ZDHHC11: variants seen among roughly 807,000 people sequenced by gnomAD.
ZDHHC11 encodes palmitoyltransferase ZDHHC11.
Under a neutral mutation model 51.3 loss-of-function variants are expected in ZDHHC11, and 44 were observed. That is an observed-to-expected ratio of 0.86 (90% CI 0.67 to 1.10). ZDHHC11 has a LOEUF of 1.10. ZDHHC11 is among the 50% of genes least tolerant of loss of function. ZDHHC11 has a pLI of 0.00. For synonymous variants in ZDHHC11, 163 were observed against 222.0 expected (o/e 0.73, Z 2.36); for missense variants, 400 against 537.7 (o/e 0.74, Z 2.53).
At chr5:854,538 C>T (rs1560868350), upstream of ZDHHC11, among the ~76,000 whole-genome samples, 3 of 144,818 alleles carry the variant, frequency 2.1e-5, no homozygotes, top group South Asian at 2.2e-4. Context: ...GACAGCGAGC[C>T]GGGGAGACAG....
intron 3 of ZDHHC11, 105 bp downstream of exon 3, chr5:847,409 G>C: frequency 6.7e-7 from 1 of 1,493,322 alleles, no homozygotes; most frequent in Non-Finnish European, 9.1e-7. Context: ...GCGGCCCCAA[G>C]AGGACCCTCC....
intron 1 of ZDHHC11, among the ~76,000 whole-genome samples, chr5:856,025 G>A (rs761322374): frequency 4.3e-4 from 66 of 152,148 alleles, no homozygotes; most frequent in Non-Finnish European, 7.4e-4. Flanking sequence ...GGAGGACAGC[G>A]AGCAGGGGAC....
At chr5:805,089 A>T (rs565893685) in intron 11 of ZDHHC11, among the ~76,000 whole-genome samples, 1 of 151,472 alleles carries the variant, frequency 6.6e-6, no homozygotes, top group Non-Finnish European at 1.5e-5. Context: ...CAATGACAAC[A>T]GCAATATAAA....
At chr5:829,328 A>G (rs1742761714) in intron 7 of ZDHHC11, among the ~76,000 whole-genome samples, 1 of 151,808 alleles carries the variant, frequency 6.6e-6, no homozygotes, top group African/African-American at 2.4e-5. Flanking sequence ...AGCACAACTG[A>G]TACCACAGGA....
At chr5:809,392 G>A (rs1324460722) in intron 11 of ZDHHC11, among the ~76,000 whole-genome samples, 7 of 143,026 alleles carry the variant, frequency 4.9e-5, no homozygotes, top group Admixed American at 2.8e-4. Context: ...TCATAAAGCG[G>A]AGCCTTTGGT....
At chr5:817,875 G>C (rs1371972895) in intron 10 of ZDHHC11, among the ~76,000 whole-genome samples, 4 of 151,354 alleles carry the variant, frequency 2.6e-5, no homozygotes, top group African/African-American at 7.3e-5. Flanking sequence ...TGTCTTCTAT[G>C]GACAACGCTG....
At chr5:819,443 T>C in intron 10 of ZDHHC11, 82 bp downstream of exon 10, 1 of 1,468,314 alleles carries the variant, frequency 6.8e-7, no homozygotes, top group Non-Finnish European at 9.5e-7. Context: ...AATACTACCT[T>C]AACCTCAGCT....
At chr5:837,992 C>T (rs139372810) in intron 5 of ZDHHC11, among the ~76,000 whole-genome samples, 3,725 of 151,886 alleles carry the variant, frequency 0.025, 182 homozygotes, top group African/African-American at 0.081. Context: ...CGGAGGACCA[C>T]GCAGTGGGGC....
intron 1 of ZDHHC11, among the ~76,000 whole-genome samples, chr5:856,667 C>A (rs999253844): frequency 6.6e-6 from 1 of 151,548 alleles, no homozygotes; most frequent in East Asian, 1.9e-4. Context: ...ACGTGCACCA[C>A]GTGACAAGTA....
At chr5:846,257 C>T (rs1257415907) in intron 3 of ZDHHC11, among the ~76,000 whole-genome samples, 1 of 151,124 alleles carries the variant, frequency 6.6e-6, no homozygotes, top group Non-Finnish European at 1.5e-5. Flanking sequence ...AGGGCAGGGA[C>T]CGCCCGGTGC....
rs1354215464 is a variant in ZDHHC11, at chr5:802,689, C to T, written c.1182-1525G>A. Among the ~76,000 whole-genome samples, 8 of 150,000 alleles carry T rather than the reference C, an allele frequency of 5.3e-5. No individual in the cohort carries two copies. The East Asian group carries it at 1.5e-3, about 29-fold the overall frequency. ...GGAGAGTGCTTGAAGAAAGGAGAAGCTGGGCTGGGTGCGGTGGCTCACACC... is the reference window on the plus strand; with the variant it reads ...GGAGAGTGCTTGAAGAAAGGAGAAGTTGGGCTGGGTGCGGTGGCTCACACC... On this transcript the variant is annotated intron_variant, in intron 11 of 12. Transcript: ENST00000283441.
chr5:808,389 G>C (rs1392422340), intron 11 of ZDHHC11, among the ~76,000 whole-genome samples: 1 of 150,900 alleles, frequency 6.6e-6, no homozygotes, highest in East Asian at 2.0e-4. Flanking sequence ...TGCCTGAGCT[G>C]TCCTCTGGGT....
Position 848,686 on chromosome 5 carries a change from C to G in ZDHHC11, c.223-26G>C, listed in dbSNP as rs1175252628. On this transcript the variant is annotated intron_variant, in intron 1 of 12. Transcript: ENST00000283441. ...CTGGCATGTCAAGGAAGAACCTGGC[C>G]CAGGGCCTGGTCAGCCTGGCACGAG... The G allele has an allele frequency of 3.1e-6, 5 of 1,610,804 alleles. No homozygotes were observed. The Admixed American group carries it at 6.7e-5, about 22-fold the overall frequency.
intron 10 of ZDHHC11, 84 bp downstream of exon 10, chr5:819,441 C>A: frequency 6.8e-7 from 1 of 1,462,354 alleles, no homozygotes; most frequent in South Asian, 1.1e-5. Context: ...TGAATACTAC[C>A]TTAACCTCAG....
chr5:854,146 C>A (rs1344540912), upstream of ZDHHC11, among the ~76,000 whole-genome samples: 3 of 126,460 alleles, frequency 2.4e-5, no homozygotes, highest in Non-Finnish European at 4.9e-5. Flanking sequence ...CAGAGGACAG[C>A]GAGCCGGGGG....
At chr5:818,420 T>TG (rs1304235884) in intron 10 of ZDHHC11, among the ~76,000 whole-genome samples, 6 of 151,710 alleles carry the variant, frequency 4.0e-5, no homozygotes, top group Admixed American at 1.3e-4. Context: ...TCCTCCAGGC[T>TG]GGCTGATCCC....
rs752913151 is a variant in ZDHHC11 at position 850,804 on chromosome 5, G to T, written c.-202C>A. On this transcript the variant is annotated 5_prime_UTR_variant, in exon 1 of 13. Transcript: ENST00000283441. ...AGTCGGTGCAGGGCCCCGCCCAGGG[G>T]AATGAACAGACATGCTGCAGAATGT... The T allele has an allele frequency of 3.1e-6, 2 of 652,912 alleles. No homozygotes were observed. Among genetic ancestry groups the T allele is most frequent in the South Asian group, 2.0e-5 (1 of 50,680 alleles). The allele number at this position is 652,912 out of a possible 1,614,324, so 40.4% of individuals were successfully genotyped here. A position where few individuals can be genotyped will look rare whatever the true frequency, so the allele number is the denominator to read the frequency against.
chr5:799,997 G>T (rs1437987624), intron 12 of ZDHHC11, among the ~76,000 whole-genome samples: 1 of 151,236 alleles, frequency 6.6e-6, no homozygotes, highest in East Asian at 1.9e-4. Flanking sequence ...AATTTTCACA[G>T]GTTTGCTGTC....
intron 3 of ZDHHC11, 22 bp downstream of exon 3, chr5:847,492 C>G: frequency 8.9e-7 from 1 of 1,122,090 alleles, no homozygotes; most frequent in Non-Finnish European, 1.3e-6. Flanking sequence ...CCCGTGCCGG[C>G]CATCCCCTCT....
Sources: gnomAD v4.1 joint callset for allele counts (sites outside exome capture counted in the v4.1 genomes callset) on GRCh38, gnomAD v4.1.1 for gene constraint, MANE v1.5 for transcripts, NCBI Gene and HGNC (gene_info 2026-07-23, HGNC 2026-07-21) for gene names.